The following EVC2 variants were observed in gnomAD, a reference collection of about 807,000 sequenced individuals.
The protein encoded by EVC2 is EvC ciliary complex subunit 2, also known as limbin.
Under a neutral mutation model 149.3 loss-of-function variants are expected in EVC2, and 148 were observed. The ratio of observed to expected loss-of-function variants is 0.99; its 90% CI spans 0.87 to 1.14. EVC2 has a LOEUF of 1.14. Ranked by LOEUF, EVC2 falls within the 50% of genes most tolerant of loss-of-function variation. EVC2 has a pLI of 0.00. For synonymous variants in EVC2, 776 were observed against 649.9 expected (o/e 1.19, Z -2.95); for missense variants, 1,854 against 1,627.3 (o/e 1.14, Z -2.40).
chr4:5,642,082 C>T (rs1319609193), intron 9 of EVC2, among the ~76,000 whole-genome samples: 2 of 150,520 alleles, frequency 1.3e-5, no homozygotes, highest in African/African-American at 2.5e-5. Flanking sequence ...GAGTTTCCAG[C>T]TTCATCCATG....
intron 16 of EVC2, among the ~76,000 whole-genome samples, chr4:5,590,462 C>T (rs1039476804): frequency 5.3e-5 from 8 of 152,144 alleles, no homozygotes; most frequent in African/African-American, 1.9e-4. Context: ...ACACTCCCTC[C>T]CTCACTAACC....
Position 5,576,534 on chromosome 4 carries a change from T to A in EVC2, c.3058-80A>T. 1 of 1,535,060 alleles carries A rather than the reference T, an allele frequency of 6.5e-7. No homozygotes were observed. Among genetic ancestry groups the A allele is most frequent in the Non-Finnish European group, 8.7e-7 (1 of 1,146,760 alleles). On this transcript the variant is annotated intron_variant, in intron 17 of 21. Coordinates refer to ENST00000344408, the MANE Select transcript of EVC2 (RefSeq NM_147127.5). The surrounding 1 kb of genome is among the most constrained non-coding windows in gnomAD (Gnocchi z 4.5). ...AGGACAAAATCTGACCTCCTGGGTG[T>A]CTTGCTACAAGTCTGGCATGACTCT...
At position 5,620,821 on chromosome 4, in the gene EVC2, T is replaced by C. The variant is rs900055812; in HGVS notation, c.2501+1716A>G. On this transcript the variant is annotated intron_variant, in intron 14 of 21. Transcript: ENST00000344408. ...GTTGAAGAAAATGACCAGCTGGTAA[T>C]AGGAATGCCAAAGTTAATTCACTTG... Among the ~76,000 whole-genome samples, 7 of 152,276 alleles carry C rather than the reference T, an allele frequency of 4.6e-5. 1 individual carries two copies. The highest frequency in any genetic ancestry group is 7.2e-5 in the African/African-American group (3 of 41,544).
intron 16 of EVC2, among the ~76,000 whole-genome samples, chr4:5,599,327 G>C (rs1206720804): frequency 1.3e-5 from 2 of 151,852 alleles, no homozygotes; most frequent in Non-Finnish European, 2.9e-5. Context: ...AACCCAAATG[G>C]CCAACAATGA....
chr4:5,603,429 T>G (rs887806655), intron 16 of EVC2, among the ~76,000 whole-genome samples: 1 of 152,214 alleles, frequency 6.6e-6, no homozygotes, highest in African/African-American at 2.4e-5. Flanking sequence ...CCTTTCAACA[T>G]GCCTTCTTTT....
intron 9 of EVC2, among the ~76,000 whole-genome samples, chr4:5,662,334 A>AC (rs1303420708): frequency 2.6e-5 from 4 of 151,198 alleles, no homozygotes; most frequent in African/African-American, 9.7e-5. Flanking sequence ...TGTACAACAA[A>AC]CCCCCTGTGA....
intron 15 of EVC2, 83 bp from the exon 16 acceptor site, chr4:5,615,627 A>C (rs563539199): frequency 6.2e-7 from 1 of 1,603,682 alleles, no homozygotes; most frequent in African/African-American, 1.3e-5. Context: ...TTGCAGGTCA[A>C]GAGAAGTTTC....
At chr4:5,596,278 A>C (rs1448030824) in intron 16 of EVC2, among the ~76,000 whole-genome samples, 1 of 152,208 alleles carries the variant, frequency 6.6e-6, no homozygotes, top group Non-Finnish European at 1.5e-5. Context: ...TTTTCTCAGC[A>C]CCACACCACA....
chr4:5,549,514 C>T (rs1359673744), intron 21 of EVC2, among the ~76,000 whole-genome samples: 2 of 152,206 alleles, frequency 1.3e-5, no homozygotes, highest in African/African-American at 2.4e-5. Context: ...CATTTTCCAG[C>T]TGATGTGCTC....
chr4:5,641,156 T>C (rs1366634083), intron 9 of EVC2, among the ~76,000 whole-genome samples: 1 of 152,198 alleles, frequency 6.6e-6, no homozygotes. Context: ...ATTTGGAGGA[T>C]TTAAAAATAA....
chr4:5,621,175 A>C (rs992516894), intron 14 of EVC2, among the ~76,000 whole-genome samples: 1 of 152,192 alleles, frequency 6.6e-6, no homozygotes, highest in African/African-American at 2.4e-5. Flanking sequence ...CTGGGGATGA[A>C]AACTGTGTAG....
chr4:5,567,186 C>T lies in EVC2; in HGVS notation c.3557+1258G>A, dbSNP rs1177861230. Among the ~76,000 whole-genome samples, 2 of 152,064 alleles carry T rather than the reference C, an allele frequency of 1.3e-5. No homozygotes were observed. The highest frequency in any genetic ancestry group is 2.4e-5 in the African/African-American group (1 of 41,414). On this transcript the variant is annotated intron_variant, in intron 20 of 21. Coordinates refer to ENST00000344408, the MANE Select transcript of EVC2 (RefSeq NM_147127.5). The surrounding 1 kb of genome is among the most constrained non-coding windows in gnomAD (Gnocchi z 4.4). ...ATGCAGCCAGCCCTCTGACTGCGGT[C>T]CACAACCCACTTCCTGACTATACTG...
chr4:5,579,992 T>C (rs1440817784), intron 17 of EVC2, among the ~76,000 whole-genome samples: 1 of 152,230 alleles, frequency 6.6e-6, no homozygotes, highest in East Asian at 1.9e-4. Context: ...AATTTGCCTA[T>C]CATTGTCACT....
At chr4:5,699,932 G>A (rs1721722747) in intron 1 of EVC2, among the ~76,000 whole-genome samples, 1 of 152,178 alleles carries the variant, frequency 6.6e-6, no homozygotes, top group South Asian at 2.1e-4. Flanking sequence ...CTTGAGGTCA[G>A]GAGTTCGAGA....
At chr4:5,550,656 T>A (rs1033280757) in intron 21 of EVC2, among the ~76,000 whole-genome samples, 1 of 152,158 alleles carries the variant, frequency 6.6e-6, no homozygotes. Flanking sequence ...CTGCAGAAAT[T>A]TGCATAAGTA....
chr4:5,540,328 C>T (rs184842575), downstream of EVC2, among the ~76,000 whole-genome samples: 11 of 152,262 alleles, frequency 7.2e-5, no homozygotes, highest in South Asian at 6.2e-4. Flanking sequence ...ATTCCACCAG[C>T]TATATATCCA....
In EVC2 at chr4:5,694,452, G is replaced by A. The variant is rs773963490; in HGVS notation, c.333C>T (p.Ile111=). The A allele has an allele frequency of 6.2e-7, 1 of 1,614,206 alleles. No individual in the cohort carries two copies. The highest frequency in any genetic ancestry group is 1.1e-5 in the South Asian group (1 of 91,082). ...TAGAGGCTGCAGAAGTTGAGAGTGG[G>A]ATGAAGACTTCCATTTTCTTGTCCA... ...MKLDKKMEVF[I]PLSTSAASSG... The change falls in exon 3 of 22, where the codon ATC becomes ATT. Residue 111 remains isoleucine, a synonymous_variant. Coordinates refer to ENST00000344408, the MANE Select transcript of EVC2 (RefSeq NM_147127.5).
At chr4:5,653,123 C>A (rs888122549) in intron 9 of EVC2, among the ~76,000 whole-genome samples, 1 of 152,160 alleles carries the variant, frequency 6.6e-6, no homozygotes, top group South Asian at 2.1e-4. Context: ...CCTGTGTCTA[C>A]GTCCAGATTT....
At chr4:5,577,741 C>T (rs1723019751) in intron 17 of EVC2, among the ~76,000 whole-genome samples, 1 of 152,200 alleles carries the variant, frequency 6.6e-6, no homozygotes. Context: ...CATTTGGGTG[C>T]TGGGCCTTCG....
Sources: allele counts gnomAD v4.1 joint callset (sites outside exome capture counted in the v4.1 genomes callset), GRCh38; gene constraint gnomAD v4.1.1; non-coding constraint Gnocchi (gnomAD v3.1); transcripts MANE v1.5; gene names NCBI Gene and HGNC (gene_info 2026-07-23, HGNC 2026-07-21).